Variants in SUGCT observed in about 807,000 individuals in gnomAD.
SUGCT encodes the protein succinyl-CoA:glutarate CoA-transferase.
In SUGCT, 41 loss-of-function variants were observed where a neutral mutation model predicts 55.0. That is an observed-to-expected ratio of 0.74 (90% CI 0.58 to 0.97). The LOEUF (loss-of-function observed/expected upper bound fraction) is 0.97, where lower values mean the gene tolerates loss of function less well. Ranked by LOEUF, SUGCT falls within the 50% of genes least tolerant of loss-of-function variation. The pLI is 0.00. For synonymous variants in SUGCT, 187 were observed against 200.4 expected (o/e 0.93, Z 0.56); for missense variants, 568 against 547.8 (o/e 1.04, Z -0.37).
chr7:40,700,380 T>TA (rs1346634344), intron 12 of SUGCT, among the ~76,000 whole-genome samples: 1 of 152,148 alleles, frequency 6.6e-6, no homozygotes, highest in African/African-American at 2.4e-5. Context: ...TTGTAAGATT[T>TA]AAGTGATCAT....
At chr7:40,655,297 A>AAAAAATT (rs1800963756) in intron 12 of SUGCT, among the ~76,000 whole-genome samples, 1 of 152,020 alleles carries the variant, frequency 6.6e-6, no homozygotes, top group Non-Finnish European at 1.5e-5. Context: ...CTGTCTCAAA[A>AAAAAATT]AAAAATTAAA....
chr7:40,147,235 G>T (rs1788298094), intron 1 of SUGCT, among the ~76,000 whole-genome samples: 1 of 152,060 alleles, frequency 6.6e-6, no homozygotes. Context: ...GGGGAGTTCT[G>T]AATATTTTTC....
chr7:40,365,703 C>G lies in SUGCT; in HGVS notation c.816+48848C>G, dbSNP rs1256450370. Among the ~76,000 whole-genome samples the G allele has an allele frequency of 2.6e-5, 4 of 151,978 alleles. 1 individual carries two copies. The highest frequency in any genetic ancestry group is 3.4e-3 in the Middle Eastern group (1 of 294). Reference sequence around the variant, plus strand: ...ATAAAATACCTAGGAATCCAACTTACAAGGGATGTGAAGGACCTCTTCAAG... The same window carrying G: ...ATAAAATACCTAGGAATCCAACTTAGAAGGGATGTGAAGGACCTCTTCAAG... On this transcript the variant is annotated intron_variant, in intron 9 of 13. Coordinates refer to ENST00000335693, the MANE Select transcript of SUGCT (RefSeq NM_001193313.2).
intron 11 of SUGCT, among the ~76,000 whole-genome samples, chr7:40,460,918 C>G (rs1449339803): frequency 2.6e-5 from 4 of 152,026 alleles, no homozygotes; most frequent in Non-Finnish European, 5.9e-5. Flanking sequence ...GTGGGTAGTC[C>G]TAGGAGAGGA....
intron 9 of SUGCT, among the ~76,000 whole-genome samples, chr7:40,365,420 A>C (rs549531036): frequency 1.8e-4 from 27 of 151,990 alleles, no homozygotes; most frequent in Non-Finnish European, 3.4e-4. Flanking sequence ...CAGGGCAATC[A>C]GGCAGGAGAA....
the SUGCT span, among the ~76,000 whole-genome samples, chr7:40,996,890 A>G: frequency 1.7e-4 from 26 of 152,350 alleles, no homozygotes; most frequent in African/African-American, 6.3e-4. Context: ...TCATCAGATG[A>G]ATGGGGATTT....
chr7:40,781,869 A>G (rs373604851), intron 13 of SUGCT, among the ~76,000 whole-genome samples: 1 of 152,158 alleles, frequency 6.6e-6, no homozygotes, highest in Non-Finnish European at 1.5e-5. Flanking sequence ...TTATTCGTCT[A>G]AAATTCAACT....
chr7:40,849,258 A>T lies in SUGCT; in HGVS notation c.1154-11058A>T, dbSNP rs73689867. On this transcript the variant is annotated intron_variant, in intron 13 of 13. Coordinates refer to ENST00000335693, the MANE Select transcript of SUGCT (RefSeq NM_001193313.2). ...TTAAGAAAAAAATCAAATGAAAAAAATCCACACATTTAGGGTATTTTCCAT... is the reference window on the plus strand; with the variant it reads ...TTAAGAAAAAAATCAAATGAAAAAATTCCACACATTTAGGGTATTTTCCAT... Among the ~76,000 whole-genome samples the T allele has an allele frequency of 7.6e-3, 1,162 of 152,372 alleles. 16 individuals are homozygous for T. The highest frequency in any genetic ancestry group is 0.027 in the African/African-American group (1,120 of 41,590).
intron 9 of SUGCT, among the ~76,000 whole-genome samples, chr7:40,397,241 A>G (rs932577767): frequency 1.3e-5 from 2 of 152,058 alleles, no homozygotes; most frequent in Non-Finnish European, 2.9e-5. Context: ...TTTGCTTATA[A>G]TATTCTCTAT....
intron 9 of SUGCT, among the ~76,000 whole-genome samples, chr7:40,440,165 T>G (rs1249200449): frequency 7.1e-6 from 1 of 140,630 alleles, no homozygotes; most frequent in Non-Finnish European, 1.5e-5. Context: ...TTTTTTTTTT[T>G]TTTTTTTTTT....
At chr7:40,319,396 G>A (rs141640216) in intron 9 of SUGCT, among the ~76,000 whole-genome samples, 2 of 152,150 alleles carry the variant, frequency 1.3e-5, no homozygotes, top group African/African-American at 2.4e-5. Flanking sequence ...GAATATTTTT[G>A]TGGGTGAATG....
At chr7:40,958,481 A>C in the SUGCT span, among the ~76,000 whole-genome samples, 2 of 151,570 alleles carry the variant, frequency 1.3e-5, no homozygotes, top group African/African-American at 4.8e-5. Context: ...ATGCTTCACG[A>C]AGTTCTCGTG....
At chr7:40,363,092 A>G (rs1798232592) in intron 9 of SUGCT, among the ~76,000 whole-genome samples, 1 of 152,022 alleles carries the variant, frequency 6.6e-6, no homozygotes, top group African/African-American at 2.4e-5. Flanking sequence ...TTTCTAGTTT[A>G]TTTGCATAGA....
chr7:40,854,426 TTC>T lies in SUGCT; in HGVS notation c.1154-5888_1154-5887del, dbSNP rs1563050685. On this transcript the variant is annotated intron_variant, in intron 13 of 13. Coordinates refer to ENST00000335693, the MANE Select transcript of SUGCT (RefSeq NM_001193313.2). ...TTCTTTCTTTCTTTCTTTCCTTTCTTTCTTTCTTTCTTTCTTTCTTTCTTTCT... is the reference window on the plus strand; with the variant it reads ...TTCTTTCTTTCTTTCTTTCCTTTCTTTTTCTTTCTTTCTTTCTTTCTTTCT... 3.1e-5 allele frequency among the ~76,000 whole-genome samples: 4 copies of T among 131,094 alleles called. No homozygotes were observed. In the East Asian group the frequency reaches 8.2e-4, roughly 27 times the overall value. The allele number at this position is 131,094 out of a possible 152,430, so 86.0% of individuals were successfully genotyped here. A position where few individuals can be genotyped will look rare whatever the true frequency, so the allele number is the denominator to read the frequency against.
chr7:40,979,114 G>A, the SUGCT span, among the ~76,000 whole-genome samples: 1 of 151,990 alleles, frequency 6.6e-6, no homozygotes, highest in South Asian at 2.1e-4. Context: ...CTATGCTTGT[G>A]CCTCCACAAA....
intron 9 of SUGCT, among the ~76,000 whole-genome samples, chr7:40,409,604 T>G (rs1786562394): frequency 6.6e-6 from 1 of 152,212 alleles, no homozygotes; most frequent in African/African-American, 2.4e-5. Context: ...TGTCATTGTT[T>G]TGGCTTTATA....
intron 8 of SUGCT, among the ~76,000 whole-genome samples, chr7:40,316,410 GA>G (rs941814826): frequency 5.9e-5 from 9 of 152,028 alleles, no homozygotes; most frequent in African/African-American, 1.9e-4. Flanking sequence ...ATGCAGAGGG[GA>G]AAAAAATGCA....
intron 9 of SUGCT, among the ~76,000 whole-genome samples, chr7:40,442,185 G>T (rs1788551517): frequency 6.6e-6 from 1 of 152,132 alleles, no homozygotes; most frequent in Non-Finnish European, 1.5e-5. Flanking sequence ...TATCTTAGCA[G>T]AATTCAAGTC....
At chr7:40,291,560 G>A (rs1042877163) in intron 8 of SUGCT, among the ~76,000 whole-genome samples, 47 of 150,732 alleles carry the variant, frequency 3.1e-4, no homozygotes, top group African/African-American at 1.1e-3. Context: ...ATGTTAAATG[G>A]CGAGTTAATG....
Sources: gnomAD v4.1 joint callset for allele counts (sites outside exome capture counted in the v4.1 genomes callset) on GRCh38, gnomAD v4.1.1 for gene constraint, MANE v1.5 for transcripts, NCBI Gene and HGNC (gene_info 2026-07-23, HGNC 2026-07-21) for gene names.